TACC1: variants seen among roughly 807,000 people sequenced by gnomAD.
TACC1 encodes the protein transforming acidic coiled-coil-containing protein 1.
In TACC1, 48 loss-of-function variants were observed where a neutral mutation model predicts 84.4. The observed-to-expected ratio is 0.57, with a 90% CI of 0.45 to 0.72. The LOEUF (loss-of-function observed/expected upper bound fraction) is 0.72, where lower values mean the gene tolerates loss of function less well. Among genes scored for constraint, TACC1 ranks in the 30% least tolerant of loss-of-function variants. The pLI, the probability that TACC1 is intolerant of heterozygous loss-of-function variation, is 0.00. For synonymous variants in TACC1, 372 were observed against 376.3 expected (o/e 0.99, Z 0.13); for missense variants, 920 against 973.0 (o/e 0.95, Z 0.72).
chr8:38,826,263 C>T (rs956147344), intron 4 of TACC1, among the ~76,000 whole-genome samples: 1 of 152,118 alleles, frequency 6.6e-6, no homozygotes, highest in Non-Finnish European at 1.5e-5. Flanking sequence ...GTAACATTCT[C>T]CCTCAGATTT....
intron 3 of TACC1, among the ~76,000 whole-genome samples, chr8:38,760,035 T>TAA (rs57899148): frequency 6.6e-6 from 1 of 150,402 alleles, no homozygotes; most frequent in African/African-American, 2.4e-5. Context: ...GTTCTTTTTT[T>TAA]AAAAAAAAAA....
chr8:38,758,418 C>A (rs893117525), intron 3 of TACC1, among the ~76,000 whole-genome samples: 1 of 152,158 alleles, frequency 6.6e-6, no homozygotes, highest in Non-Finnish European at 1.5e-5. Context: ...TGGCTCACGC[C>A]TGTAATCCCA....
At position 38,820,408 on chromosome 8, in the gene TACC1, G is replaced by T; in HGVS notation, c.1164G>T (p.Gln388His). The T allele has an allele frequency of 6.2e-7, 1 of 1,614,150 alleles. No homozygotes were observed. The highest frequency in any genetic ancestry group is 8.5e-7 in the Non-Finnish European group (1 of 1,180,022). ...CATCTTCCAAGCCAGATCCTAGTCA[G>T]TGGGAAAGCCCCAGCTTCAACCCCT... is the stretch of plus-strand genomic sequence containing the variant. Reference protein sequence around the residue: ...SQTSSKPDPSQWESPSFNPFG... With the variant: ...SQTSSKPDPSHWESPSFNPFG... The change falls in exon 3 of 13, where the codon CAG (glutamine) becomes CAT (histidine). Residue 388 changes from glutamine to histidine, a missense_variant. Coordinates refer to ENST00000317827, the MANE Select transcript of TACC1 (RefSeq NM_006283.3).
At position 38,819,969 on chromosome 8, in the gene TACC1, C is replaced by T. The variant is rs199787109; in HGVS notation, c.725C>T (p.Ala242Val). The T allele has an allele frequency of 8.1e-6, 13 of 1,614,088 alleles. No homozygotes were observed. The highest frequency in any genetic ancestry group is 2.7e-5 in the African/African-American group (2 of 75,056). The change falls in exon 3 of 13, where the codon GCA becomes GTA. Residue 242 changes from alanine to valine, a missense_variant. Physicochemically the swap from Ala to Val is moderately conservative, Grantham distance 64. Coordinates refer to ENST00000317827, the MANE Select transcript of TACC1 (RefSeq NM_006283.3). ...KPKPVPLRKK[A>V]IGGEFSDTNA... ...AAGCCTGTCCCCCTGAGGAAGAAAG[C>T]AATTGGAGGAGAGTTCTCAGACACC...
chr8:38,751,268 T>G (rs1808986662), intron 3 of TACC1, among the ~76,000 whole-genome samples: 1 of 152,200 alleles, frequency 6.6e-6, no homozygotes, highest in Non-Finnish European at 1.5e-5. Flanking sequence ...GGATGCACCA[T>G]TCAGCTCTCT....
rs112764332 is a variant in TACC1, at chr8:38,820,510, T to C, written c.1266T>C (p.Phe422=). 4.3e-6 allele frequency: 7 copies of C among 1,614,064 alleles called. No individual in the cohort carries two copies. The highest frequency in any genetic ancestry group is 5.9e-6 in the Non-Finnish European group (7 of 1,180,032). The change falls in exon 3 of 13, where the codon TTT becomes TTC. Residue 422 remains phenylalanine (F), a synonymous_variant. Transcript: ENST00000317827. The part of the protein sequence containing the change: ...EGSYHFDPDN[F]DESMDPFKPT... ...CCTACCACTTTGACCCAGATAACTT[T>C]GACGAATCCATGGATCCCTTTAAAC... is the stretch of plus-strand genomic sequence containing the variant.
chr8:38,803,751 G>A (rs1469120528), intron 2 of TACC1, among the ~76,000 whole-genome samples: 16 of 151,994 alleles, frequency 1.1e-4, no homozygotes, highest in Admixed American at 1.0e-3. Flanking sequence ...TCCTTTGTTT[G>A]GTTTTGGCAC....
At chr8:38,734,536 G>A (rs1197507950) in intron 1 of TACC1, among the ~76,000 whole-genome samples, 1 of 152,170 alleles carries the variant, frequency 6.6e-6, no homozygotes, top group Admixed American at 6.5e-5. Flanking sequence ...GCAGATACAA[G>A]CAGAAAGGAA....
At chr8:38,751,688 C>G (rs1327402568) in intron 3 of TACC1, among the ~76,000 whole-genome samples, 1 of 152,058 alleles carries the variant, frequency 6.6e-6, no homozygotes, top group Non-Finnish European at 1.5e-5. Context: ...CTATTGCACA[C>G]TTAACAGACT....
intron 2 of TACC1, among the ~76,000 whole-genome samples, chr8:38,819,013 T>G (rs1002788108): frequency 1.3e-5 from 2 of 152,186 alleles, no homozygotes; most frequent in African/African-American, 4.8e-5. Context: ...CTTGACCTCA[T>G]GATGTGCCCG....
In TACC1 at chr8:38,738,248, TA is replaced by T. The variant is rs976824511; in HGVS notation, c.-674-4092del. ...AGACACCCCCATCTCTCCAAAACATTAAAAAAAAAAATTAGTCGGGCGTGGT... is the reference window on the plus strand; with the variant it reads ...AGACACCCCCATCTCTCCAAAACATTAAAAAAAAAATTAGTCGGGCGTGGT... On this transcript the variant is annotated intron_variant, in intron 1 of 14. Coordinates refer to the TACC1 transcript ENST00000518415. Among the ~76,000 whole-genome samples the T allele has an allele frequency of 1.8e-3, 265 of 146,432 alleles. 1 individual carries two copies. Among genetic ancestry groups the T allele is most frequent in the African/African-American group, 5.7e-3 (230 of 40,114 alleles).
chr8:38,821,758 A>C (rs1587995181), intron 3 of TACC1, among the ~76,000 whole-genome samples: 1 of 152,222 alleles, frequency 6.6e-6, no homozygotes, highest in East Asian at 1.9e-4. Flanking sequence ...ACAATCATAC[A>C]TCACTTAGCC....
At chr8:38,785,790 C>T, upstream of TACC1, 1 of 839,944 alleles carries the variant, frequency 1.2e-6, no homozygotes, top group South Asian at 5.4e-5. Flanking sequence ...ATATATTTCA[C>T]ATGGACCTCC....
At position 38,840,078 on chromosome 8, in the gene TACC1, A is replaced by T. The variant is rs1334526536; in HGVS notation, c.1917-146A>T. ...ATAATGTAAAAAAAAAAAAAAAAAA[A>T]AGATAACGAGAGCCCCAAAGCAGAT... On this transcript the variant is annotated intron_variant, in intron 8 of 12. Transcript: ENST00000317827. 15 of 330,004 alleles carry T rather than the reference A, an allele frequency of 4.5e-5. No homozygotes were observed. The Admixed American group carries it at 6.8e-4, about 15-fold the overall frequency. 20.4% of individuals were successfully genotyped at this position (330,004 alleles called of 1,614,324 possible).
chr8:38,847,666 A>T (rs1228296360), intron 12 of TACC1, among the ~76,000 whole-genome samples: 2 of 152,216 alleles, frequency 1.3e-5, no homozygotes, highest in African/African-American at 4.8e-5. Flanking sequence ...AGTACCCCAG[A>T]TAATTCCTCT....
intron 1 of TACC1, among the ~76,000 whole-genome samples, chr8:38,736,710 G>A (rs1482966459): frequency 6.6e-6 from 1 of 152,198 alleles, no homozygotes; most frequent in Admixed American, 6.5e-5. Flanking sequence ...GGCAGAGGGT[G>A]AGAGAGGCAC....
intron 2 of TACC1, among the ~76,000 whole-genome samples, chr8:38,806,602 G>A (rs547167322): frequency 3.3e-5 from 5 of 152,186 alleles, no homozygotes; most frequent in Non-Finnish European, 7.4e-5. Flanking sequence ...TGGAAGCAGA[G>A]GAGAAGTGGG....
chr8:38,803,703 A>ATAC (rs1821967750), intron 2 of TACC1, among the ~76,000 whole-genome samples: 1 of 152,188 alleles, frequency 6.6e-6, no homozygotes, highest in African/African-American at 2.4e-5. Flanking sequence ...TATTCAATAA[A>ATAC]AGATGCTGGT....
chr8:38,843,766 T>C (rs1831698834), intron 11 of TACC1, among the ~76,000 whole-genome samples: 1 of 152,228 alleles, frequency 6.6e-6, no homozygotes, highest in Admixed American at 6.5e-5. Flanking sequence ...TTTTTTCTAA[T>C]AGCCACATGG....
Sources: gnomAD v4.1 joint callset for allele counts (sites outside exome capture counted in the v4.1 genomes callset) on GRCh38, gnomAD v4.1.1 for gene constraint, MANE v1.5 for transcripts, NCBI Gene and HGNC (gene_info 2026-07-23, HGNC 2026-07-21) for gene names.